Variants in ARHGEF2 observed in about 807,000 individuals in gnomAD.
ARHGEF2 encodes the protein Rho/Rac guanine nucleotide exchange factor 2, also known as rho guanine nucleotide exchange factor 2.
Under a neutral mutation model 121.0 loss-of-function variants are expected in ARHGEF2, and 22 were observed. That is an observed-to-expected ratio of 0.18 (90% CI 0.13 to 0.26). The LOEUF (loss-of-function observed/expected upper bound fraction) is 0.26, where lower values mean the gene tolerates loss of function less well. ARHGEF2 is among the 10% of genes least tolerant of loss of function. The pLI is 1.00. For missense variants in ARHGEF2, 907 were observed against 1,336.0 expected (o/e 0.68, Z 5.01); for synonymous variants, 487 against 530.0 (o/e 0.92, Z 1.11).
At chr1:155,956,122 T>C (rs940524195) in intron 13 of ARHGEF2, among the ~76,000 whole-genome samples, 5 of 152,042 alleles carry the variant, frequency 3.3e-5, no homozygotes, top group Non-Finnish European at 7.4e-5. Context: ...TTTTTGGAGA[T>C]GGAGTCTCAC....
rs541320898 is a variant in ARHGEF2, at chr1:155,947,698, G to A, written c.*244C>T. The A allele has an allele frequency of 5.3e-5, 28 of 525,720 alleles. No homozygotes were observed. In the East Asian group the frequency reaches 8.7e-4, roughly 16 times the overall value. 32.6% of individuals were successfully genotyped at this position (525,720 alleles called of 1,614,324 possible). A position where few individuals can be genotyped will look rare whatever the true frequency, so the allele number is the denominator to read the frequency against. ...CAATAAATAAATAAATTTTCCTAAA[G>A]TTGCGGGAAGAAGGCATGAACCACT... On this transcript the variant is annotated 3_prime_UTR_variant, in exon 22 of 22. Transcript: ENST00000361247.
At chr1:155,964,186 A>ATATG (rs1361539069) in intron 7 of ARHGEF2, among the ~76,000 whole-genome samples, 1 of 87,364 alleles carries the variant, frequency 1.1e-5, no homozygotes, top group African/African-American at 4.4e-5. Context: ...ATATATATAT[A>ATATG]TATATATATA....
chr1:155,953,948 T>C (rs1195088026), intron 14 of ARHGEF2, among the ~76,000 whole-genome samples: 1 of 152,066 alleles, frequency 6.6e-6, no homozygotes, highest in East Asian at 1.9e-4. Context: ...TGAACTGTTA[T>C]GTTGACAGCA....
intron 15 of ARHGEF2, 23 bp from the exon 16 acceptor site, chr1:155,952,258 G>A (rs1224219905): frequency 2.5e-6 from 4 of 1,613,424 alleles, no homozygotes; most frequent in African/African-American, 1.3e-5. Flanking sequence ...AGGAAGAGGT[G>A]AGAACAGGAA....
rs1572054868 is a variant in ARHGEF2, at chr1:155,951,631, G to A, written c.2209-98C>T. ...GGGTGTGGGGACAGTAGGATCCGGA[G>A]ACATACTTGAATGTAGACGCTTTCC... is the stretch of plus-strand genomic sequence containing the variant. On this transcript the variant is annotated intron_variant, in intron 18 of 21. Transcript: ENST00000361247. This position sits in a 1 kb window ranked among gnomAD's most constrained non-coding sequence, Gnocchi z 5.1. The A allele has an allele frequency of 6.2e-7, 1 of 1,605,130 alleles. No homozygotes were observed. The highest frequency in any genetic ancestry group is 2.2e-5 in the East Asian group (1 of 44,824).
In ARHGEF2 at chr1:155,961,308, T is replaced by C. The variant is rs991529653; in HGVS notation, c.1468+353A>G. Reference sequence around the variant, plus strand: ...TTTTTTTTTTGAGATGGAGTCTTGCTGTGTCACCCAGGCTAGAGTGCAGTG... The same window carrying C: ...TTTTTTTTTTGAGATGGAGTCTTGCCGTGTCACCCAGGCTAGAGTGCAGTG... On this transcript the variant is annotated intron_variant, in intron 11 of 21. Coordinates refer to ENST00000361247, the MANE Select transcript of ARHGEF2 (RefSeq NM_001162383.2). The surrounding 1 kb of genome is among the most constrained non-coding windows in gnomAD (Gnocchi z 4.7). Among the ~76,000 whole-genome samples the C allele has an allele frequency of 1.3e-5, 2 of 150,204 alleles. No homozygotes were observed. The highest frequency in any genetic ancestry group is 4.9e-5 in the African/African-American group (2 of 40,644).
chr1:155,965,435 G>C lies in ARHGEF2; in HGVS notation c.471-23C>G. 1.9e-6 allele frequency: 3 copies of C among 1,609,044 alleles called. No homozygotes were observed. Among genetic ancestry groups the C allele is most frequent in the Non-Finnish European group, 1.7e-6 (2 of 1,175,380 alleles). On this transcript the variant is annotated intron_variant, in intron 5 of 21. Transcript: ENST00000361247. This position sits in a 1 kb window ranked among gnomAD's most constrained non-coding sequence, Gnocchi z 6.0. Reference sequence around the variant, plus strand: ...TGTCTGAAGAAAGTGGAGGCTGTCTGCATCACCCCCAGTCGGGCAAAAGAT... The same window carrying C: ...TGTCTGAAGAAAGTGGAGGCTGTCTCCATCACCCCCAGTCGGGCAAAAGAT...
chr1:155,952,146 C>T lies in ARHGEF2; in HGVS notation c.2074G>A (p.Gly692Ser), dbSNP rs772839610. The T allele has an allele frequency of 2.0e-5, 33 of 1,614,170 alleles. No homozygotes were observed. Among genetic ancestry groups the T allele is most frequent in the Middle Eastern group, 1.6e-4 (1 of 6,062 alleles). The change falls in exon 16 of 22, where the codon GGT becomes AGT. Residue 692 changes from glycine to serine, a missense_variant. Gly to Ser is a moderately conservative substitution (Grantham distance 56). Coordinates refer to ENST00000361247, the MANE Select transcript of ARHGEF2 (RefSeq NM_001162383.2). ...EPALPLEPDS[G>S]GNTSPGVTAN... ...GTGACCCCAGGACTCGTGTTACCAC[C>T]GCTGTCTGGTTCCAAGGGCAGGGCT...
intron 1 of ARHGEF2, chr1:155,969,613 C>T: frequency 8.2e-7 from 1 of 1,212,714 alleles, no homozygotes; most frequent in South Asian, 2.1e-5. Context: ...TCCACCTTCC[C>T]AGCCCTAGCT....
rs1042053053 is a variant in ARHGEF2 at position 155,962,190 on chromosome 1, G to A, written c.1134C>T (p.His378=). Residue 378 remains histidine, a synonymous_variant, in exon 10 of 22, where the codon CAC becomes CAT. Transcript: ENST00000361247. The surrounding 1 kb of genome is among the most constrained non-coding windows in gnomAD (Gnocchi z 5.8). The stretch of plus-strand genomic sequence containing the variant: ...CCAGCAGGATGCACTCCTGTACCCC[G>A]TGCCGCTTGAGCACGGCGGGGCGGG... ...KVTRPAVLKR[H]GVQECILLVT... 1.1e-5 allele frequency: 17 copies of A among 1,614,020 alleles called. No individual in the cohort carries two copies. Among genetic ancestry groups the A allele is most frequent in the Admixed American group, 6.7e-5 (4 of 60,002 alleles).
intron 2 of ARHGEF2, chr1:155,968,934 C>A: frequency 1.8e-6 from 1 of 549,882 alleles, no homozygotes; most frequent in Non-Finnish European, 3.2e-6. Context: ...CCTCCCCTCC[C>A]CCACATTCCC....
chr1:155,968,964 A>G, intron 2 of ARHGEF2, 192 bp downstream of exon 2: 1 of 650,390 alleles, frequency 1.5e-6, no homozygotes, highest in Non-Finnish European at 2.6e-6. Context: ...GGCTTATGCC[A>G]TATTCCAACA....
At chr1:155,967,764 A>T (rs1434332102) in intron 2 of ARHGEF2, among the ~76,000 whole-genome samples, 1 of 152,104 alleles carries the variant, frequency 6.6e-6, no homozygotes, top group Non-Finnish European at 1.5e-5. Flanking sequence ...GAGCCTAGGC[A>T]CTGGGACCCT....
At chr1:155,975,487 C>A (rs1232359682) in intron 1 of ARHGEF2, among the ~76,000 whole-genome samples, 1 of 152,074 alleles carries the variant, frequency 6.6e-6, no homozygotes. Flanking sequence ...TCCCCTCCCC[C>A]TCAACTCTCT....
chr1:155,965,000 C>T lies in ARHGEF2; in HGVS notation c.712G>A (p.Asp238Asn), dbSNP rs761622296. 6.2e-6 allele frequency: 10 copies of T among 1,613,994 alleles called. No individual in the cohort carries two copies. The highest frequency in any genetic ancestry group is 8.5e-6 in the Non-Finnish European group (10 of 1,179,942). The change falls in exon 7 of 22, where the codon GAT (aspartate) becomes AAT (asparagine). Residue 238 changes from aspartate (D) to asparagine (N), a missense_variant. Physicochemically the swap from Asp to Asn is conservative, Grantham distance 23. Coordinates refer to ENST00000361247, the MANE Select transcript of ARHGEF2 (RefSeq NM_001162383.2). The part of the protein sequence containing the change: ...QHKKEVMKQQ[D>N]VIYELIQTEL... ...GGTCTTGGCTTACCATAGATGACATCTTGCTGCTTCATCACCTCCTTTTTA... is the reference window on the plus strand; with the variant it reads ...GGTCTTGGCTTACCATAGATGACATTTTGCTGCTTCATCACCTCCTTTTTA...
Position 155,950,725 on chromosome 1 carries a change from G to T in ARHGEF2, c.2703+104C>A. 2 of 1,198,350 alleles carry T rather than the reference G, an allele frequency of 1.7e-6. No individual in the cohort carries two copies. The highest frequency in any genetic ancestry group is 1.5e-5 in the South Asian group (1 of 67,424). The allele number at this position is 1,198,350 out of a possible 1,614,324, so 74.2% of individuals were successfully genotyped here. On this transcript the variant is annotated intron_variant, in intron 20 of 21. Transcript: ENST00000361247. This position sits in a 1 kb window ranked among gnomAD's most constrained non-coding sequence, Gnocchi z 5.2. ...TATCTCAATATCCTTCAAGTCAGTT[G>T]ACTGATTGCATTTGGGCTCAAATCC...
rs1357588182 is a variant in ARHGEF2 at position 155,961,078 on chromosome 1, CTTCT to C, written c.1468+579_1468+582del. 6.6e-6 allele frequency among the ~76,000 whole-genome samples: 1 copy of C among 152,138 alleles called. No homozygotes were observed. Among genetic ancestry groups the C allele is most frequent in the Non-Finnish European group, 1.5e-5 (1 of 68,032 alleles). On this transcript the variant is annotated intron_variant, in intron 11 of 21. Coordinates refer to ENST00000361247, the MANE Select transcript of ARHGEF2 (RefSeq NM_001162383.2). This position sits in a 1 kb window ranked among gnomAD's most constrained non-coding sequence, Gnocchi z 4.7. ...CTGATCCTGTCCTCCAGTCTGAGAG[CTTCT>C]TTGTCTTCCTCAGTAAAACTAGTAG...
At chr1:155,978,616 G>A (rs1056426500), upstream of ARHGEF2, 82 of 1,255,412 alleles carry the variant, frequency 6.5e-5, no homozygotes, top group Non-Finnish European at 7.7e-5. The surrounding 1 kb of genome is among the most constrained non-coding windows in gnomAD (Gnocchi z 4.1). Flanking sequence ...TCAGGAAGGG[G>A]GTAGGCGGAG....
At chr1:155,967,163 C>G (rs1044492269) in intron 2 of ARHGEF2, among the ~76,000 whole-genome samples, 8 of 152,060 alleles carry the variant, frequency 5.3e-5, no homozygotes, top group Non-Finnish European at 1.2e-4. Context: ...AAGGGCGGAC[C>G]AGAGGGGAGC....
Sources: allele counts gnomAD v4.1 joint callset (sites outside exome capture counted in the v4.1 genomes callset), GRCh38; gene constraint gnomAD v4.1.1; non-coding constraint Gnocchi (gnomAD v3.1); transcripts MANE v1.5; gene names NCBI Gene and HGNC (gene_info 2026-07-23, HGNC 2026-07-21).